The following GRIN2A variants were observed in gnomAD, a reference collection of about 807,000 sequenced individuals.
GRIN2A encodes the protein glutamate ionotropic receptor NMDA type subunit 2A.
Under a neutral mutation model 113.4 loss-of-function variants are expected in GRIN2A, and 22 were observed. That is an observed-to-expected ratio of 0.19 (90% CI 0.14 to 0.28). GRIN2A has a LOEUF of 0.28. Ranked by LOEUF, GRIN2A falls within the 10% of genes least tolerant of loss-of-function variation. The pLI, the probability that GRIN2A is intolerant of heterozygous loss-of-function variation, is 1.00. For missense variants in GRIN2A, 1,502 were observed against 1,887.0 expected, an observed-to-expected ratio of 0.80 and a Z score of 3.78; for synonymous variants, 827 against 738.4, an observed-to-expected ratio of 1.12 and a Z score of -1.94.
At chr16:9,950,573 G>A (rs987341367) in intron 2 of GRIN2A, among the ~76,000 whole-genome samples, 2 of 152,144 alleles carry the variant, frequency 1.3e-5, no homozygotes, top group Admixed American at 1.3e-4. Flanking sequence ...ACTTGAATAG[G>A]CTACAATGAC....
intron 11 of GRIN2A, among the ~76,000 whole-genome samples, chr16:9,771,342 G>A (rs1026439944): frequency 1.2e-4 from 18 of 150,798 alleles, no homozygotes; most frequent in East Asian, 1.9e-4. Flanking sequence ...GTATTTTCCC[G>A]TTAATTTATT....
chr16:9,859,658 G>A (rs1596507094), intron 4 of GRIN2A, among the ~76,000 whole-genome samples: 2 of 149,736 alleles, frequency 1.3e-5, no homozygotes, highest in Non-Finnish European at 3.0e-5. Flanking sequence ...AGGATATGAA[G>A]CTACAATGAT....
chr16:10,179,893 C>CCCCACAAAAAAAAA, intron 2 of GRIN2A, 105 bp downstream of exon 2: 3 of 719,816 alleles, frequency 4.2e-6, no homozygotes, highest in East Asian at 3.6e-5. Context: ...CCCCCACCCC[C>CCCCACAAAAAAAAA]ACTTCACATC....
chr16:9,802,354 G>A (rs1408279513), intron 10 of GRIN2A, among the ~76,000 whole-genome samples: 1 of 152,080 alleles, frequency 6.6e-6, no homozygotes, highest in African/African-American at 2.4e-5. Context: ...ATACTATGCA[G>A]CCATGACAAA....
At chr16:9,916,725 A>C (rs2044258860) in intron 3 of GRIN2A, among the ~76,000 whole-genome samples, 1 of 152,146 alleles carries the variant, frequency 6.6e-6, no homozygotes. Flanking sequence ...CTTTTCCACC[A>C]GTTCCTCCCC....
chr16:10,155,472 T>C (rs990834972), intron 2 of GRIN2A, among the ~76,000 whole-genome samples: 1 of 152,120 alleles, frequency 6.6e-6, no homozygotes, highest in South Asian at 2.1e-4. Flanking sequence ...TGTATGATGG[T>C]TCAAGTTAAA....
intron 2 of GRIN2A, among the ~76,000 whole-genome samples, chr16:10,068,178 T>C (rs894630120): frequency 9.9e-5 from 15 of 152,232 alleles, no homozygotes; most frequent in Admixed American, 2.0e-4. Flanking sequence ...TTAACCAACA[T>C]GTATTGAGTG....
Position 9,797,116 on chromosome 16 carries a change from G to A in GRIN2A, c.2356+1161C>T, listed in dbSNP as rs115399384. Reference sequence around the variant, plus strand: ...TAACCCTATGCACTAGCTAACCTCTGCCTATTTTGATATTGCATTTCACTG... The same window carrying A: ...TAACCCTATGCACTAGCTAACCTCTACCTATTTTGATATTGCATTTCACTG... On this transcript the variant is annotated intron_variant, in intron 11 of 12. Coordinates refer to ENST00000330684, the MANE Select transcript of GRIN2A (RefSeq NM_001134407.3). 8.1e-3 allele frequency among the ~76,000 whole-genome samples: 1,241 copies of A among 152,304 alleles called. 17 individuals are homozygous for A. The highest frequency in any genetic ancestry group is 0.028 in the African/African-American group (1,173 of 41,580).
Position 10,025,582 on chromosome 16 carries a change from G to A in GRIN2A, c.415-87031C>T, listed in dbSNP as rs182415785. Among the ~76,000 whole-genome samples, 637 of 152,172 alleles carry A rather than the reference G, an allele frequency of 4.2e-3. 2 individuals are homozygous for A. The highest frequency in any genetic ancestry group is 7.0e-3 in the Non-Finnish European group (477 of 68,018). On this transcript the variant is annotated intron_variant, in intron 2 of 12. Coordinates refer to ENST00000330684, the MANE Select transcript of GRIN2A (RefSeq NM_001134407.3). ...CTCCCTAAGTGCTGGAATTATAGGC[G>A]TGAATCACCATGCCTGACACAGCAG...
At chr16:10,058,586 C>G (rs949158379) in intron 2 of GRIN2A, among the ~76,000 whole-genome samples, 1 of 152,178 alleles carries the variant, frequency 6.6e-6, no homozygotes, top group African/African-American at 2.4e-5. Flanking sequence ...TTTCTTGCTA[C>G]AATTCAAAAT....
At chr16:9,984,865 T>A (rs2045952225) in intron 2 of GRIN2A, among the ~76,000 whole-genome samples, 2 of 152,238 alleles carry the variant, frequency 1.3e-5, no homozygotes, top group African/African-American at 4.8e-5. Flanking sequence ...TTAGTTTGTC[T>A]GTTTTTTGAG....
intron 11 of GRIN2A, among the ~76,000 whole-genome samples, chr16:9,785,056 A>C (rs948515258): frequency 2.0e-5 from 3 of 152,230 alleles, no homozygotes; most frequent in African/African-American, 7.2e-5. Context: ...CTAGAACTAG[A>C]AATACCATTT....
At chr16:9,899,236 T>C (rs13338950) in intron 3 of GRIN2A, among the ~76,000 whole-genome samples, 4,475 of 151,856 alleles carry the variant, frequency 0.029, 226 homozygotes, top group African/African-American at 0.1. Context: ...GTCAGGAGTT[T>C]GAGACCAGCC....
chr16:9,954,249 C>T (rs551794606), intron 2 of GRIN2A, among the ~76,000 whole-genome samples: 190 of 152,278 alleles, frequency 1.2e-3, no homozygotes, highest in African/African-American at 4.2e-3. Context: ...TTTTTCACCC[C>T]GGACATCACC....
At chr16:9,898,053 C>CTTTTTTT (rs2043841418) in intron 3 of GRIN2A, among the ~76,000 whole-genome samples, 1 of 85,192 alleles carries the variant, frequency 1.2e-5, no homozygotes, top group Admixed American at 1.5e-4. Flanking sequence ...GCCTCCATTT[C>CTTTTTTT]CTTTTTTTTT....
intron 2 of GRIN2A, among the ~76,000 whole-genome samples, chr16:10,061,908 C>T (rs1293104757): frequency 2.0e-5 from 3 of 152,150 alleles, no homozygotes; most frequent in Non-Finnish European, 4.4e-5. Flanking sequence ...ACGTATTCAG[C>T]CAGAGCCTGT....
At chr16:10,026,127 A>G (rs1276856661) in intron 2 of GRIN2A, among the ~76,000 whole-genome samples, 1 of 152,222 alleles carries the variant, frequency 6.6e-6, no homozygotes, top group Non-Finnish European at 1.5e-5. Context: ...GAGGACACAG[A>G]AAGGACTTCC....
chr16:10,028,042 G>C (rs1210065686), intron 2 of GRIN2A, among the ~76,000 whole-genome samples: 1 of 152,200 alleles, frequency 6.6e-6, no homozygotes. Flanking sequence ...ATGTTGCCGA[G>C]TGCCTCTGGT....
chr16:10,140,267 G>A (rs932388032), intron 2 of GRIN2A, among the ~76,000 whole-genome samples: 5 of 151,680 alleles, frequency 3.3e-5, no homozygotes, highest in South Asian at 2.1e-4. Flanking sequence ...TTGTTTTGCC[G>A]GCAAAACACA....
Sources: gnomAD v4.1 joint callset for allele counts (sites outside exome capture counted in the v4.1 genomes callset) on GRCh38, gnomAD v4.1.1 for gene constraint, MANE v1.5 for transcripts, NCBI Gene and HGNC (gene_info 2026-07-23, HGNC 2026-07-21) for gene names.